SYNE1: variants seen among roughly 807,000 people sequenced by gnomAD.
The protein encoded by SYNE1 is nesprin-1.
Under a neutral mutation model 1,111.0 loss-of-function variants are expected in SYNE1, and 616 were observed. The ratio of observed to expected loss-of-function variants is 0.55; its 90% CI spans 0.52 to 0.59. SYNE1 has a LOEUF of 0.59. Ranked by LOEUF, SYNE1 falls within the 20% of genes least tolerant of loss-of-function variation. The pLI, the probability that SYNE1 is intolerant of heterozygous loss-of-function variation, is 0.00. For synonymous variants in SYNE1, 3,855 were observed against 3,825.8 expected (o/e 1.01, Z -0.28); for missense variants, 10,006 against 10,417.0 (o/e 0.96, Z 1.72).
At chr6:152,363,377 C>G (rs916670240) in intron 63 of SYNE1, among the ~76,000 whole-genome samples, 3 of 150,016 alleles carry the variant, frequency 2.0e-5, no homozygotes, top group Non-Finnish European at 3.0e-5. Flanking sequence ...GCCTGTAGTA[C>G]CAGCTACTCG....
chr6:152,608,160 AAAT>A (rs201244057), intron 3 of SYNE1, among the ~76,000 whole-genome samples: 106,642 of 151,536 alleles, frequency 0.7, 37,601 homozygotes, highest in East Asian at 0.8. Flanking sequence ...TAAAATAAAT[AAAT>A]AAAAATAAAT....
At position 152,395,555 on chromosome 6, in the gene SYNE1, T is replaced by C; in HGVS notation, c.7673A>G (p.His2558Arg). ...TTCTCCCAAAAACATTTCAACTTTA[T>C]GAACTTCATTTTTCTTCTCAGGAAT... ...QHIPEKKNEV[H>R]KVEMFLGELL... is the part of the protein sequence containing the mutation. The change falls in exon 51 of 146, where the codon CAT becomes CGT. Residue 2558 changes from histidine (H) to arginine (R), a missense_variant. Around this residue, in one of 7 missense-constraint regions of SYNE1, gnomAD observed 4,955 missense variants for 5,017.2 expected, o/e 0.99. Coordinates refer to ENST00000367255, the MANE Select transcript of SYNE1 (RefSeq NM_182961.4). 2 of 1,614,124 alleles carry C rather than the reference T, an allele frequency of 1.2e-6. No individual in the cohort carries two copies. The highest frequency in any genetic ancestry group is 1.7e-6 in the Non-Finnish European group (2 of 1,179,990).
intron 85 of SYNE1, 38 bp from the exon 86 acceptor site, chr6:152,318,301 G>A: frequency 6.2e-7 from 1 of 1,611,236 alleles, no homozygotes; most frequent in South Asian, 1.1e-5. Flanking sequence ...TTAGAGTACA[G>A]AAAATAAATT....
Position 152,251,093 on chromosome 6 carries a change from G to A in SYNE1, c.19471-1831C>T, listed in dbSNP as rs148709845. ...GCCTCCCAAGTAGCTGGGACTATAG[G>A]CATGCACCACCACGTCTGGCTAATT... is the stretch of plus-strand genomic sequence containing the variant. On this transcript the variant is annotated intron_variant, in intron 104 of 145. Transcript: ENST00000367255. 2.0e-3 allele frequency among the ~76,000 whole-genome samples: 303 copies of A among 152,172 alleles called. 1 individual carries two copies. The highest frequency in any genetic ancestry group is 7.1e-3 in the African/African-American group (295 of 41,544).
intron 55 of SYNE1, among the ~76,000 whole-genome samples, chr6:152,383,581 T>C (rs2097465445): frequency 1.3e-5 from 2 of 152,132 alleles, no homozygotes; most frequent in South Asian, 4.1e-4. Context: ...CCCTTCTTGT[T>C]TTTCCCCTCC....
At chr6:152,179,557 C>A (rs2067347254) in intron 129 of SYNE1, 2 of 150,488 alleles carry the variant, frequency 1.3e-5, no homozygotes, top group Non-Finnish European at 3.0e-5. Context: ...GTAATTAAGA[C>A]CCCCAAATAC....
chr6:152,539,197 A>C (rs73010944), intron 4 of SYNE1, among the ~76,000 whole-genome samples: 2 of 152,200 alleles, frequency 1.3e-5, no homozygotes, highest in Non-Finnish European at 2.9e-5. Flanking sequence ...GAGAGTCAAC[A>C]TAACTTCCAC....
chr6:152,374,577 C>G (rs2097248532), intron 58 of SYNE1, among the ~76,000 whole-genome samples: 1 of 152,122 alleles, frequency 6.6e-6, no homozygotes, highest in Non-Finnish European at 1.5e-5. Context: ...ACTTCGAGAC[C>G]AGCCTGAGCA....
rs1258854088 is a variant in SYNE1, at chr6:152,218,305, G to A, written c.22143C>T (p.Ser7381=). ...AEEILQGQDP[S]HSSDLSTIQE... is the part of the protein sequence containing the mutation. ...GGATTGTGGAGAGGTCAGATGAGTG[G>A]CTAGGGTCCTGCCCTTGTAGTATTT... is the stretch of plus-strand genomic sequence containing the variant. Residue 7381 remains serine (S), a synonymous_variant, in exon 121 of 146, where the codon AGC becomes AGT. Transcript: ENST00000367255. 6.2e-7 allele frequency: 1 copy of A among 1,614,042 alleles called. No individual in the cohort carries two copies. Among genetic ancestry groups the A allele is most frequent in the Admixed American group, 1.7e-5 (1 of 60,016 alleles).
intron 6 of SYNE1, among the ~76,000 whole-genome samples, chr6:152,519,461 TTGAG>T (rs2099128263): frequency 6.6e-6 from 1 of 152,176 alleles, no homozygotes; most frequent in Admixed American, 6.5e-5. Context: ...CTAGAACAAT[TTGAG>T]TGACAAAATA....
intron 3 of SYNE1, among the ~76,000 whole-genome samples, chr6:152,610,221 C>A (rs182566486): frequency 0.01 from 1,569 of 152,214 alleles, 23 homozygotes; most frequent in African/African-American, 0.036. Context: ...ATGTTCAAAC[C>A]CATCGCAAGG....
Position 152,201,923 on chromosome 6 carries a change from T to A in SYNE1, c.23046A>T (p.Ile7682=), listed in dbSNP as rs772452257. ...LKDWEKCEKG[I]ADSLEKLRTF... is the part of the protein sequence containing the mutation. The stretch of plus-strand genomic sequence containing the variant: ...TTCGTAGTTTCTCCAGGGAATCTGC[T>A]ATTCCTTTCTCACATTTTTCCCAGT... Residue 7682 remains isoleucine (I), a synonymous_variant, in exon 127 of 146, where the codon ATA becomes ATT. Coordinates refer to ENST00000367255, the MANE Select transcript of SYNE1 (RefSeq NM_182961.4). 1 of 1,613,948 alleles carries A rather than the reference T, an allele frequency of 6.2e-7. No individual in the cohort carries two copies. The highest frequency in any genetic ancestry group is 1.1e-5 in the South Asian group (1 of 91,070).
chr6:152,177,896 T>A (rs1354943952), intron 129 of SYNE1, among the ~76,000 whole-genome samples: 1 of 152,232 alleles, frequency 6.6e-6, no homozygotes, highest in African/African-American at 2.4e-5. Context: ...CAATTTTTTT[T>A]ATGAATGGCC....
At chr6:152,292,822 G>A (rs1310722295) in intron 95 of SYNE1, among the ~76,000 whole-genome samples, 1 of 152,118 alleles carries the variant, frequency 6.6e-6, no homozygotes, top group Admixed American at 6.5e-5. Context: ...TCCCAGCCAG[G>A]CAGCATTTTC....
At chr6:152,478,072 T>A (rs1202565338) in intron 14 of SYNE1, among the ~76,000 whole-genome samples, 1 of 152,166 alleles carries the variant, frequency 6.6e-6, no homozygotes, top group East Asian at 1.9e-4. Flanking sequence ...TTAAAGAAAG[T>A]CTTTCAAGGG....
In SYNE1 at chr6:152,347,200, A is replaced by T. The variant is rs1471890577; in HGVS notation, c.11937T>A (p.Arg3979=). 1 of 1,614,206 alleles carries T rather than the reference A, an allele frequency of 6.2e-7. No individual in the cohort carries two copies. Among genetic ancestry groups the T allele is most frequent in the South Asian group, 1.1e-5 (1 of 91,080 alleles). ...MMEEIAGFED[R]LNNLQMKGDT... ...CACCTTTCATTTGAAGATTGTTCAAACGGTCTTCAAAACCAGCAATTTCTT... is the reference window on the plus strand; with the variant it reads ...CACCTTTCATTTGAAGATTGTTCAATCGGTCTTCAAAACCAGCAATTTCTT... Residue 3979 remains arginine (R), a synonymous_variant, in exon 73 of 146, where the codon CGT becomes CGA. Transcript: ENST00000367255.
Position 152,511,738 on chromosome 6 carries a change from G to C in SYNE1, c.310-635C>G, listed in dbSNP as rs183437951. 53 of 808,534 alleles carry C rather than the reference G, an allele frequency of 6.6e-5. 2 individuals carry two copies. In the Admixed American group the frequency reaches 9.0e-4, roughly 14 times the overall value. The allele number at this position is 808,534 out of a possible 1,614,324, so 50.1% of individuals were successfully genotyped here. A position where few individuals can be genotyped will look rare whatever the true frequency, so the allele number is the denominator to read the frequency against. On this transcript the variant is annotated intron_variant, in intron 6 of 145. Coordinates refer to ENST00000367255, the MANE Select transcript of SYNE1 (RefSeq NM_182961.4). ...ACGTTTTAAAGAAAAACAAAGGAAA[G>C]GCAAGAAATAGCAAAACAGAGCCTA...
chr6:152,308,748 G>A (rs199825087), intron 90 of SYNE1, 116 bp from the exon 91 acceptor site: 2 of 1,144,856 alleles, frequency 1.7e-6, no homozygotes, highest in Non-Finnish European at 2.4e-6. Flanking sequence ...ATAAAGAAAT[G>A]ATGGGTAAAA....
intron 92 of SYNE1, 125 bp from the exon 93 acceptor site, chr6:152,300,906 A>G: frequency 7.9e-7 from 1 of 1,260,516 alleles, no homozygotes; most frequent in Non-Finnish European, 1.1e-6. Context: ...TGGGACCCGA[A>G]TTCACATATT....
Sources: allele counts gnomAD v4.1 joint callset (sites outside exome capture counted in the v4.1 genomes callset), GRCh38; gene constraint gnomAD v4.1.1; regional missense constraint gnomAD v4.1.1; transcripts MANE v1.5; gene names NCBI Gene and HGNC (gene_info 2026-07-23, HGNC 2026-07-21).